Variants in BICDL1 observed in about 807,000 individuals in gnomAD.
The protein encoded by BICDL1 is BICD family like cargo adaptor 1.
BICDL1 carries 20 observed loss-of-function variants against 76.8 expected under a neutral mutation model. The ratio of observed to expected loss-of-function variants is 0.26; its 90% CI spans 0.18 to 0.38. BICDL1 has a LOEUF of 0.38. Ranked by LOEUF, BICDL1 falls within the 10% of genes least tolerant of loss-of-function variation. The pLI is 1.00. For synonymous variants in BICDL1, 383 were observed against 337.1 expected (o/e 1.14, Z -1.49); for missense variants, 700 against 798.6 (o/e 0.88, Z 1.49).
intron 2 of BICDL1, among the ~76,000 whole-genome samples, chr12:120,001,211 A>G (rs1951752544): frequency 6.6e-6 from 1 of 152,120 alleles, no homozygotes; most frequent in South Asian, 2.1e-4. Flanking sequence ...AAGACAAGAT[A>G]ATCAACAGAG....
intron 2 of BICDL1, among the ~76,000 whole-genome samples, chr12:120,005,156 T>C (rs1186480446): frequency 6.6e-6 from 1 of 152,116 alleles, no homozygotes; most frequent in Non-Finnish European, 1.5e-5. Flanking sequence ...ATGTTTATTG[T>C]GTTTCCTGAT....
Position 120,067,992 on chromosome 12 carries a change from G to C in BICDL1, c.909+3113G>C, listed in dbSNP as rs573982755. Among the ~76,000 whole-genome samples the C allele has an allele frequency of 1.7e-4, 26 of 152,306 alleles. No individual in the cohort carries two copies. In the South Asian group the frequency reaches 4.8e-3, roughly 28 times the overall value. On this transcript the variant is annotated intron_variant, in intron 4 of 9. Coordinates refer to ENST00000548673, the MANE Select transcript of BICDL1 (RefSeq NM_001367886.1). ...CTTTCTTCATTCTCTGGGCAGCCAG[G>C]CTCCAAACCTTTCCTCTTTAGGGCT... is the stretch of plus-strand genomic sequence containing the variant.
intron 8 of BICDL1, among the ~76,000 whole-genome samples, chr12:120,086,496 G>T (rs1464676363): frequency 6.6e-6 from 1 of 152,164 alleles, no homozygotes; most frequent in African/African-American, 2.4e-5. Context: ...GGTGGGGTCA[G>T]TTGGGTGGGG....
intron 1 of BICDL1, among the ~76,000 whole-genome samples, chr12:119,994,994 C>A (rs1378877349): frequency 6.6e-6 from 1 of 152,150 alleles, no homozygotes; most frequent in Non-Finnish European, 1.5e-5. Context: ...TTATCTAATA[C>A]CTTTTTCTGT....
intron 2 of BICDL1, among the ~76,000 whole-genome samples, chr12:120,009,232 C>T (rs987204669): frequency 7.9e-5 from 12 of 152,092 alleles, no homozygotes; most frequent in Middle Eastern, 3.4e-3. Flanking sequence ...ATGATCCGCC[C>T]GCCTCGGCCT....
intron 2 of BICDL1, among the ~76,000 whole-genome samples, chr12:120,017,675 T>C (rs1054558307): frequency 3.9e-5 from 6 of 151,906 alleles, no homozygotes; most frequent in African/African-American, 1.5e-4. Context: ...AAGGTTGCAG[T>C]AGGCTATGAT....
At chr12:119,991,634 AT>A (rs1414291907) in intron 1 of BICDL1, among the ~76,000 whole-genome samples, 12 of 152,066 alleles carry the variant, frequency 7.9e-5, no homozygotes, top group Non-Finnish European at 1.5e-4. Context: ...TTATAAAGAG[AT>A]TCAGTTGTAC....
At chr12:120,065,283 G>A (rs1389273008) in intron 4 of BICDL1, among the ~76,000 whole-genome samples, 1 of 152,178 alleles carries the variant, frequency 6.6e-6, no homozygotes, top group Non-Finnish European at 1.5e-5. Context: ...CAAGCTCATG[G>A]ATTTAGTTGG....
chr12:120,000,583 A>G (rs1324402860), intron 2 of BICDL1: 1 of 152,216 alleles, frequency 6.6e-6, no homozygotes, highest in Non-Finnish European at 1.5e-5. Context: ...AACAAACCAG[A>G]AAAATTAAAG....
chr12:120,015,392 A>G (rs1182238800), intron 2 of BICDL1, among the ~76,000 whole-genome samples: 1 of 152,114 alleles, frequency 6.6e-6, no homozygotes, highest in Non-Finnish European at 1.5e-5. Flanking sequence ...TTCTACTTGT[A>G]CCACCGTTGG....
chr12:119,997,091 G>A (rs1397961274), intron 1 of BICDL1, among the ~76,000 whole-genome samples: 2 of 152,000 alleles, frequency 1.3e-5, no homozygotes, highest in African/African-American at 4.8e-5. Context: ...TGGGACTGCA[G>A]GCCCTCGCCA....
rs1183027520 is a variant in BICDL1 at position 120,071,599 on chromosome 12, A to G, written c.910-23A>G. 1.3e-6 allele frequency: 2 copies of G among 1,586,056 alleles called. No homozygotes were observed. The highest frequency in any genetic ancestry group is 8.6e-7 in the Non-Finnish European group (1 of 1,165,396). On this transcript the variant is annotated intron_variant, in intron 4 of 9. Transcript: ENST00000548673. The surrounding 1 kb of genome is among the most constrained non-coding windows in gnomAD (Gnocchi z 4.8). ...TGGTTTTTGTGTTTGGTAAACCTCA[A>G]CCATTTGCTCTTTCTTTGAAAGCTG...
chr12:120,091,911 G>C (rs999422612), intron 9 of BICDL1: 48 of 985,162 alleles, frequency 4.9e-5, no homozygotes, highest in Admixed American at 6.2e-5. Context: ...GCCACAGGGA[G>C]CCTGCCCTGA....
intron 1 of BICDL1, among the ~76,000 whole-genome samples, chr12:119,993,952 T>G (rs1326801360): frequency 7.9e-5 from 12 of 152,246 alleles, no homozygotes; most frequent in African/African-American, 2.9e-4. Context: ...TTTAAAAATT[T>G]CTTTTCATCT....
chr12:120,068,144 G>A (rs140196358), intron 4 of BICDL1, among the ~76,000 whole-genome samples: 1 of 152,308 alleles, frequency 6.6e-6, no homozygotes, highest in East Asian at 1.9e-4. Flanking sequence ...GCTCCAAGTG[G>A]CTGCCAGCCA....
chr12:120,005,792 A>G (rs980543590), intron 2 of BICDL1, among the ~76,000 whole-genome samples: 1 of 152,220 alleles, frequency 6.6e-6, no homozygotes, highest in Non-Finnish European at 1.5e-5. Context: ...ATATGGAGGT[A>G]CCACGGCTAA....
intron 2 of BICDL1, among the ~76,000 whole-genome samples, chr12:120,034,558 A>G (rs1034811899): frequency 6.6e-6 from 1 of 152,218 alleles, no homozygotes; most frequent in African/African-American, 2.4e-5. Flanking sequence ...TTGGCTTCAC[A>G]TGCCAGTTTC....
intron 1 of BICDL1, chr12:119,992,972 C>T (rs1209173189): frequency 1.3e-5 from 2 of 151,648 alleles, no homozygotes; most frequent in South Asian, 2.1e-4. Flanking sequence ...CCCTGCCCCC[C>T]AGATGGAGTC....
chr12:120,082,287 C>G (rs1170144772), intron 8 of BICDL1, among the ~76,000 whole-genome samples: 2 of 151,996 alleles, frequency 1.3e-5, no homozygotes, highest in East Asian at 3.9e-4. Context: ...GAGTCTCACT[C>G]TGTCACCCAG....
Sources: gnomAD v4.1 joint callset for allele counts (sites outside exome capture counted in the v4.1 genomes callset) on GRCh38, gnomAD v4.1.1 for gene constraint, Gnocchi (gnomAD v3.1) non-coding constraint, MANE v1.5 for transcripts, NCBI Gene and HGNC (gene_info 2026-07-23, HGNC 2026-07-21) for gene names.